The following POU2F1 variants were observed in gnomAD, a reference collection of about 807,000 sequenced individuals.
The protein encoded by POU2F1 is POU domain, class 2, transcription factor 1.
POU2F1 carries 16 observed loss-of-function variants against 84.9 expected under a neutral mutation model. The ratio of observed to expected loss-of-function variants is 0.19; its 90% confidence interval spans 0.13 to 0.29. The LOEUF (loss-of-function observed/expected upper bound fraction) is 0.29. Ranked by LOEUF, POU2F1 falls within the 10% of genes least tolerant of loss-of-function variation. The pLI, the probability that POU2F1 is intolerant of heterozygous loss-of-function variation, is 1.00. For synonymous variants in POU2F1, 368 were observed against 368.3 expected (o/e 1.00, Z 0.01); for missense variants, 738 against 942.6 (o/e 0.78, Z 2.84).
intron 7 of POU2F1, chr1:167,381,018 CTGT>C (rs1281156810): frequency 1.3e-5 from 2 of 152,060 alleles, no homozygotes; most frequent in African/African-American, 2.4e-5. Flanking sequence ...GGTTAGAAAA[CTGT>C]TGTTCATTTG....
intron 1 of POU2F1, among the ~76,000 whole-genome samples, chr1:167,248,975 C>T (rs1650533747): frequency 6.6e-6 from 1 of 152,142 alleles, no homozygotes; most frequent in South Asian, 2.1e-4. Context: ...GATTTAAACC[C>T]ATGTTGTCTC....
intron 12 of POU2F1, among the ~76,000 whole-genome samples, 182 bp downstream of exon 12, chr1:167,399,547 C>T (rs1195149695): frequency 1.3e-5 from 2 of 152,182 alleles, no homozygotes; most frequent in African/African-American, 4.8e-5. Context: ...CTTTCCTTGT[C>T]TCTCGTGCTC....
chr1:167,341,473 C>G (rs942712385), intron 2 of POU2F1, among the ~76,000 whole-genome samples: 2 of 152,008 alleles, frequency 1.3e-5, no homozygotes, highest in South Asian at 4.1e-4. Flanking sequence ...TTTTCACTTG[C>G]TTTTTTCATT....
intron 2 of POU2F1, among the ~76,000 whole-genome samples, chr1:167,350,367 T>C (rs1449723890): frequency 6.6e-6 from 1 of 152,206 alleles, no homozygotes; most frequent in Non-Finnish European, 1.5e-5. Context: ...TCCAGAAAAC[T>C]CAGTTCTCTG....
chr1:167,235,315 A>T (rs936819710), intron 1 of POU2F1, among the ~76,000 whole-genome samples: 1 of 152,230 alleles, frequency 6.6e-6, no homozygotes, highest in African/African-American at 2.4e-5. Flanking sequence ...TGTTTTATAC[A>T]TGTACACTTA....
At chr1:167,294,178 A>G (rs1225667330) in intron 1 of POU2F1, among the ~76,000 whole-genome samples, 2 of 139,620 alleles carry the variant, frequency 1.4e-5, no homozygotes, top group Admixed American at 1.4e-4. Flanking sequence ...AATACAAAAA[A>G]AAAAAAAAAA....
chr1:167,241,520 G>A (rs1488425078), intron 1 of POU2F1: 6 of 152,152 alleles, frequency 3.9e-5, no homozygotes, highest in African/African-American at 1.4e-4. Context: ...TTGACAGCAC[G>A]ATTTGTTGGA....
chr1:167,262,174 G>T (rs186945971), intron 1 of POU2F1, among the ~76,000 whole-genome samples: 1 of 151,892 alleles, frequency 6.6e-6, no homozygotes, highest in African/African-American at 2.4e-5. Flanking sequence ...TGCTTTTTTT[G>T]AGATGGGGTC....
chr1:167,306,320 ACT>A, intron 1 of POU2F1, among the ~76,000 whole-genome samples: 1 of 152,240 alleles, frequency 6.6e-6, no homozygotes, highest in South Asian at 2.1e-4. Flanking sequence ...CACTATTAAG[ACT>A]CTATTCCTGT....
chr1:167,368,750 T>C (rs532585960), intron 3 of POU2F1, among the ~76,000 whole-genome samples: 1 of 152,324 alleles, frequency 6.6e-6, no homozygotes, highest in South Asian at 2.1e-4. Flanking sequence ...TCTCATCTAC[T>C]AACAGGACTA....
chr1:167,392,633 G>C (rs1648508562), intron 9 of POU2F1, among the ~76,000 whole-genome samples: 1 of 151,994 alleles, frequency 6.6e-6, no homozygotes, highest in Non-Finnish European at 1.5e-5. Context: ...CTCTCCCTCC[G>C]CACATCTCTC....
chr1:167,274,219 T>G (rs1326335466), intron 1 of POU2F1, among the ~76,000 whole-genome samples: 3 of 152,200 alleles, frequency 2.0e-5, no homozygotes, highest in Non-Finnish European at 4.4e-5. Context: ...TTTCCCTTAA[T>G]TATTAAAGCT....
chr1:167,295,871 A>G (rs1654258533), intron 1 of POU2F1, among the ~76,000 whole-genome samples: 1 of 152,168 alleles, frequency 6.6e-6, no homozygotes, highest in South Asian at 2.1e-4. Context: ...TTGCAGGATG[A>G]GTGACTTTGA....
At chr1:167,273,324 C>T (rs1387124684) in intron 1 of POU2F1, among the ~76,000 whole-genome samples, 1 of 152,188 alleles carries the variant, frequency 6.6e-6, no homozygotes, top group Non-Finnish European at 1.5e-5. Context: ...GTCTGGAGGA[C>T]GGTGGCCCTC....
intron 1 of POU2F1, among the ~76,000 whole-genome samples, chr1:167,307,300 CTT>C (rs1655137229): frequency 6.6e-6 from 1 of 152,036 alleles, no homozygotes; most frequent in Admixed American, 6.5e-5. Flanking sequence ...TCTATAAGAT[CTT>C]GAAATGTCCA....
intron 2 of POU2F1, among the ~76,000 whole-genome samples, chr1:167,351,535 AAAAAAAAAG>A (rs1388417174): frequency 1.4e-5 from 2 of 146,556 alleles, no homozygotes; most frequent in Non-Finnish European, 3.0e-5. Context: ...AAAAAAAAAA[AAAAAAAAAG>A]AAAGAAAGAA....
chr1:167,288,984 G>A lies in POU2F1; in HGVS notation c.62-43486G>A, dbSNP rs542002173. ...TAAATGGCCAAGAACATCACAAACCGGAAGCTTGGTCACTTGTGGTCCTGA... is the reference window on the plus strand; with the variant it reads ...TAAATGGCCAAGAACATCACAAACCAGAAGCTTGGTCACTTGTGGTCCTGA... On this transcript the variant is annotated intron_variant, in intron 1 of 15. Transcript: ENST00000367866. Among the ~76,000 whole-genome samples, 5 of 152,214 alleles carry A rather than the reference G, an allele frequency of 3.3e-5. No homozygotes were observed. In the East Asian group the frequency reaches 5.8e-4, roughly 18 times the overall value.
Position 167,376,026 on chromosome 1 carries a change from C to T in POU2F1, c.592-3C>T, listed in dbSNP as rs1660304610. 3 of 1,613,606 alleles carry T rather than the reference C, an allele frequency of 1.9e-6. No homozygotes were observed. Among genetic ancestry groups the T allele is most frequent in the Admixed American group, 3.3e-5 (2 of 59,918 alleles). On this transcript the variant is annotated splice_region_variant and splice_polypyrimidine_tract_variant and intron_variant, in intron 6 of 15. Coordinates refer to ENST00000367866, the MANE Select transcript of POU2F1 (RefSeq NM_002697.4). ...AATCCATGTTTTAATTCCAATTTTTCAGGATCTTCAACAACTGCAACAGCT... is the reference window on the plus strand; with the variant it reads ...AATCCATGTTTTAATTCCAATTTTTTAGGATCTTCAACAACTGCAACAGCT...
At chr1:167,222,207 C>T (rs1648275898) in intron 1 of POU2F1, among the ~76,000 whole-genome samples, 2 of 152,200 alleles carry the variant, frequency 1.3e-5, no homozygotes, top group African/African-American at 4.8e-5. Context: ...TTCCTCTCTC[C>T]TGTTGGGAGT....
Sources: allele counts gnomAD v4.1 joint callset (sites outside exome capture counted in the v4.1 genomes callset), GRCh38; gene constraint gnomAD v4.1.1; transcripts MANE v1.5; gene names NCBI Gene and HGNC (gene_info 2026-07-23, HGNC 2026-07-21).